Variants in SPIDR observed in about 807,000 individuals in gnomAD.
SPIDR encodes the protein scaffold protein involved in DNA repair.
In SPIDR, 93 loss-of-function variants were observed where a neutral mutation model predicts 104.6. The ratio of observed to expected loss-of-function variants is 0.89; its 90% CI spans 0.75 to 1.06. The LOEUF (loss-of-function observed/expected upper bound fraction) is 1.06. Among genes scored for constraint, SPIDR ranks in the 50% least tolerant of loss-of-function variants. SPIDR has a pLI of 0.00. For missense variants in SPIDR, 1,154 were observed against 1,111.2 expected (o/e 1.04, Z -0.55); for synonymous variants, 431 against 416.9 (o/e 1.03, Z -0.41).
intron 5 of SPIDR, among the ~76,000 whole-genome samples, chr8:47,335,639 C>T (rs564723439): frequency 1.4e-4 from 21 of 152,170 alleles, no homozygotes; most frequent in Non-Finnish European, 2.2e-4. Context: ...TTAGTAAAGA[C>T]GGGGTTTTGC....
At chr8:47,462,459 C>A (rs1438963082) in intron 8 of SPIDR, among the ~76,000 whole-genome samples, 1 of 152,100 alleles carries the variant, frequency 6.6e-6, no homozygotes, top group African/African-American at 2.4e-5. Flanking sequence ...GTGAGGGCTG[C>A]AATCTAGTCC....
At chr8:47,344,351 C>T (rs2051422289) in intron 5 of SPIDR, among the ~76,000 whole-genome samples, 1 of 152,156 alleles carries the variant, frequency 6.6e-6, no homozygotes, top group Non-Finnish European at 1.5e-5. Context: ...GCCACATTTT[C>T]TTAATCCAGT....
chr8:47,409,891 G>A (rs545415927), intron 7 of SPIDR, among the ~76,000 whole-genome samples: 1 of 152,182 alleles, frequency 6.6e-6, no homozygotes, highest in South Asian at 2.1e-4. Flanking sequence ...AACTGTACGT[G>A]GTGGCACACG....
At chr8:47,727,533 C>T (rs1014101980) in intron 17 of SPIDR, among the ~76,000 whole-genome samples, 7 of 152,146 alleles carry the variant, frequency 4.6e-5, no homozygotes, top group Non-Finnish European at 1.0e-4. Flanking sequence ...GTTTTGTCCC[C>T]ACCTCCTTTA....
At chr8:47,363,879 A>G (rs1554632452) in intron 5 of SPIDR, among the ~76,000 whole-genome samples, 1 of 135,120 alleles carries the variant, frequency 7.4e-6, no homozygotes, top group African/African-American at 2.8e-5. Flanking sequence ...TCTCTCTTTC[A>G]TTTTGGTGGT....
chr8:47,723,298 A>C (rs2083683333), intron 16 of SPIDR, among the ~76,000 whole-genome samples: 1 of 152,184 alleles, frequency 6.6e-6, no homozygotes, highest in Non-Finnish European at 1.5e-5. Flanking sequence ...GATAATATCA[A>C]CTGTATTTAT....
chr8:47,322,908 A>C (rs1449802903), intron 5 of SPIDR, among the ~76,000 whole-genome samples: 1 of 151,998 alleles, frequency 6.6e-6, no homozygotes, highest in Non-Finnish European at 1.5e-5. Context: ...GGGGCACAAG[A>C]AGGGGAACAT....
Position 47,511,223 on chromosome 8 carries a change from G to A in SPIDR, c.1097+70681G>A. 6 of 1,590,186 alleles carry A rather than the reference G, an allele frequency of 3.8e-6. No individual in the cohort carries two copies. In the Admixed American group the frequency reaches 1.0e-4, roughly 27 times the overall value. On this transcript the variant is annotated intron_variant, in intron 8 of 19. Coordinates refer to ENST00000297423, the MANE Select transcript of SPIDR (RefSeq NM_001080394.4). ...TGGCTGTGGTTAAATTTCTGCACCAGCCTCCCACCGTCTGCAAGCCGAATT... is the reference window on the plus strand; with the variant it reads ...TGGCTGTGGTTAAATTTCTGCACCAACCTCCCACCGTCTGCAAGCCGAATT...
chr8:47,440,208 C>T, intron 7 of SPIDR, 115 bp from the exon 8 acceptor site: 1 of 840,140 alleles, frequency 1.2e-6, no homozygotes, highest in Non-Finnish European at 1.8e-6. Context: ...AGACCATTTT[C>T]TCCAGGTGAA....
At chr8:47,441,655 G>C (rs1420202329) in intron 8 of SPIDR, among the ~76,000 whole-genome samples, 1 of 152,114 alleles carries the variant, frequency 6.6e-6, no homozygotes, top group East Asian at 1.9e-4. Flanking sequence ...CTGTTTTTCT[G>C]TGGTTGATTT....
At chr8:47,285,019 A>G (rs1392339686) in intron 3 of SPIDR, among the ~76,000 whole-genome samples, 2 of 152,202 alleles carry the variant, frequency 1.3e-5, no homozygotes, top group Non-Finnish European at 2.9e-5. Context: ...ATCTTTGAAA[A>G]CTAAGCTAAA....
At chr8:47,422,192 G>T (rs1396619907) in intron 7 of SPIDR, among the ~76,000 whole-genome samples, 1 of 152,202 alleles carries the variant, frequency 6.6e-6, no homozygotes, top group Non-Finnish European at 1.5e-5. Flanking sequence ...GTTTGGCTAT[G>T]TCCTGCCCCC....
At chr8:47,573,925 G>A (rs770124431) in intron 8 of SPIDR, among the ~76,000 whole-genome samples, 14 of 152,284 alleles carry the variant, frequency 9.2e-5, no homozygotes, top group Non-Finnish European at 1.9e-4. Context: ...AATAAGCAGC[G>A]TCATTCAAGA....
chr8:47,320,281 A>G (rs990996359), intron 5 of SPIDR, among the ~76,000 whole-genome samples: 1 of 152,216 alleles, frequency 6.6e-6, no homozygotes, highest in Non-Finnish European at 1.5e-5. Flanking sequence ...CACTAATCCC[A>G]CAGAAATACA....
intron 8 of SPIDR, among the ~76,000 whole-genome samples, chr8:47,561,790 C>T (rs1249460299): frequency 6.6e-6 from 1 of 152,212 alleles, no homozygotes; most frequent in African/African-American, 2.4e-5. Flanking sequence ...TACTATGGGT[C>T]GACATATAGC....
chr8:47,325,514 A>T (rs2047511235), intron 5 of SPIDR, among the ~76,000 whole-genome samples: 1 of 152,184 alleles, frequency 6.6e-6, no homozygotes, highest in South Asian at 2.1e-4. Context: ...CTTTTTTTAA[A>T]TGCCAGAAAA....
chr8:47,657,437 A>G (rs531492322), intron 10 of SPIDR, among the ~76,000 whole-genome samples: 51 of 152,274 alleles, frequency 3.3e-4, no homozygotes, highest in South Asian at 1.9e-3. Flanking sequence ...GGGTTATTAA[A>G]GGGCAGCCTG....
At chr8:47,458,928 T>C (rs2073476751) in intron 8 of SPIDR, among the ~76,000 whole-genome samples, 4 of 152,234 alleles carry the variant, frequency 2.6e-5, no homozygotes, top group Admixed American at 2.6e-4. Flanking sequence ...TAATTCTTTT[T>C]ATGTGGTGTA....
At chr8:47,494,493 CTGAA>C (rs1159095246) in intron 8 of SPIDR, among the ~76,000 whole-genome samples, 10 of 152,116 alleles carry the variant, frequency 6.6e-5, no homozygotes, top group South Asian at 2.1e-4. Context: ...AAAAATTACA[CTGAA>C]TGAACGGTTT....
Sources: gnomAD v4.1 joint callset for allele counts (sites outside exome capture counted in the v4.1 genomes callset) on GRCh38, gnomAD v4.1.1 for gene constraint, MANE v1.5 for transcripts, NCBI Gene and HGNC (gene_info 2026-07-23, HGNC 2026-07-21) for gene names.